The following UTRN variants were observed in gnomAD, a reference collection of about 807,000 sequenced individuals.
UTRN encodes dystrophin-related protein 1.
A neutral mutation model predicts 463.9 loss-of-function variants in UTRN; 283 were observed. The ratio of observed to expected loss-of-function variants is 0.61; its 90% CI spans 0.55 to 0.67. The LOEUF (loss-of-function observed/expected upper bound fraction) is 0.67, where lower values mean the gene tolerates loss of function less well. UTRN is among the 30% of genes least tolerant of loss of function. The pLI is 0.00. For missense variants in UTRN, 3,922 were observed against 4,084.3 expected (o/e 0.96, Z 1.08); for synonymous variants, 1,442 against 1,431.5 (o/e 1.01, Z -0.17).
rs982069127 is a variant in UTRN at position 144,542,804 on chromosome 6, G to C, written c.6529G>C (p.Glu2177Gln). ...VNMTWNKICR[E>Q]VPTTLKECIQ... ...TGTCCTGATGCGGTAGATTTGCAGA[G>C]AGGTGCCTACCACCCTGAAGGAATG... The change falls in exon 46 of 75, where the codon GAG becomes CAG. Residue 2177 changes from glutamate (E) to glutamine (Q), a missense_variant. By Grantham distance (29) the Glu-to-Gln change is conservative. Coordinates refer to ENST00000367545, the MANE Select transcript of UTRN (RefSeq NM_007124.3). 5 of 1,613,496 alleles carry C rather than the reference G, an allele frequency of 3.1e-6. No individual in the cohort carries two copies. In the African/African-American group the frequency reaches 5.3e-5, roughly 17 times the overall value.
intron 54 of UTRN, among the ~76,000 whole-genome samples, chr6:144,732,192 T>G (rs1788607082): frequency 6.8e-6 from 1 of 146,140 alleles, no homozygotes; most frequent in African/African-American, 2.5e-5. Context: ...TTTGAAGAAT[T>G]ATTCCTTTTG....
intron 21 of UTRN, among the ~76,000 whole-genome samples, chr6:144,459,988 A>T (rs1019757417): frequency 6.6e-6 from 1 of 150,586 alleles, no homozygotes; most frequent in Admixed American, 6.6e-5. Flanking sequence ...CCTGGATATA[A>T]TGATTTTTAA....
intron 55 of UTRN, among the ~76,000 whole-genome samples, chr6:144,751,296 G>A (rs4295503): frequency 0.45 from 69,189 of 152,076 alleles, 19,878 homozygotes; most frequent in East Asian, 0.87. Flanking sequence ...GCATATAATA[G>A]AAAGCATGAA....
chr6:144,747,680 C>G (rs979895293), intron 54 of UTRN, among the ~76,000 whole-genome samples: 7 of 152,182 alleles, frequency 4.6e-5, no homozygotes, highest in Non-Finnish European at 1.0e-4. Context: ...GCTAAAATGT[C>G]TGTGGGCTGC....
intron 2 of UTRN, among the ~76,000 whole-genome samples, chr6:144,393,573 G>C (rs74857078): frequency 6.6e-6 from 1 of 152,200 alleles, no homozygotes; most frequent in Non-Finnish European, 1.5e-5. Context: ...GCCCAGACTG[G>C]TACAGCAGGA....
intron 18 of UTRN, among the ~76,000 whole-genome samples, chr6:144,452,964 A>T (rs1788480033): frequency 6.6e-6 from 1 of 151,190 alleles, no homozygotes; most frequent in Non-Finnish European, 1.5e-5. Flanking sequence ...AAAAAAAAGG[A>T]ACAAAATGCT....
chr6:144,828,059 G>A (rs1442533243), intron 68 of UTRN, among the ~76,000 whole-genome samples: 1 of 152,068 alleles, frequency 6.6e-6, no homozygotes, highest in Non-Finnish European at 1.5e-5. Context: ...TTAGGATAGG[G>A]GTTTATTTTA....
rs6917327 is a variant in UTRN, at chr6:144,315,842, G to T, written c.79+23935G>T. 4.6e-3 allele frequency among the ~76,000 whole-genome samples: 699 copies of T among 152,296 alleles called. 4 individuals are homozygous for T. Among genetic ancestry groups the T allele is most frequent in the African/African-American group, 0.016 (661 of 41,562 alleles). ...GTGTTTGAATCCTTGGCATGATCTG[G>T]TGATGATCTGGCAGAATAGGTATTA... On this transcript the variant is annotated intron_variant, in intron 2 of 74. Transcript: ENST00000367545.
intron 69 of UTRN, among the ~76,000 whole-genome samples, chr6:144,832,603 C>T (rs1478167934): frequency 1.3e-5 from 2 of 152,134 alleles, no homozygotes; most frequent in Admixed American, 1.3e-4. Context: ...ATAATGGTGG[C>T]TTGTGATCTT....
chr6:144,474,828 A>T, intron 25 of UTRN, 69 bp downstream of exon 25: 6 of 1,538,102 alleles, frequency 3.9e-6, no homozygotes, highest in Non-Finnish European at 5.3e-6. Flanking sequence ...CAGCTGACTA[A>T]ATGTATTATG....
At position 144,774,490 on chromosome 6, in the gene UTRN, C is replaced by G. The variant is rs1057092078; in HGVS notation, c.8632+126C>G. ...AATCTGGTCTTCAGTGTACCTCACT[C>G]AAGGAGTTGGTTTTGTTTCTATAAA... On this transcript the variant is annotated intron_variant, in intron 60 of 74. Transcript: ENST00000367545. 8.9e-6 allele frequency: 7 copies of G among 790,530 alleles called. No individual in the cohort carries two copies. The African/African-American group carries it at 9.0e-5, about 10-fold the overall frequency. 49.0% of individuals were successfully genotyped at this position (790,530 alleles called of 1,614,324 possible).
chr6:144,638,362 T>C (rs1287120499), intron 51 of UTRN, among the ~76,000 whole-genome samples: 1 of 152,218 alleles, frequency 6.6e-6, no homozygotes, highest in East Asian at 1.9e-4. Context: ...AAATAGTTCA[T>C]GTTTTTTGTC....
chr6:144,548,844 C>G lies in UTRN; in HGVS notation c.6800C>G (p.Ser2267Cys). ...GTAGAAGAGATCAATAAGACCGTTT[C>G]CCGAATGAAAGTAGGTGCATAGTGT... ...GDVEEINKTVSRMKITKADLE... is the reference protein window; with the variant it reads ...GDVEEINKTVCRMKITKADLE... The change falls in exon 47 of 75, where the codon TCC becomes TGC. Residue 2267 changes from serine (S) to cysteine (C), a missense_variant. This residue lies in a region of UTRN where 1,309 missense variants were observed against 1,452.6 expected (regional missense o/e 0.90). Transcript: ENST00000367545. 1 of 1,613,780 alleles carries G rather than the reference C, an allele frequency of 6.2e-7. No homozygotes were observed. Among genetic ancestry groups the G allele is most frequent in the Non-Finnish European group, 8.5e-7 (1 of 1,179,852 alleles).
chr6:144,727,467 AC>A (rs1787991508), intron 53 of UTRN, among the ~76,000 whole-genome samples: 1 of 152,200 alleles, frequency 6.6e-6, no homozygotes. Flanking sequence ...AAGAATCTTT[AC>A]CACTCCTGAG....
intron 43 of UTRN, among the ~76,000 whole-genome samples, chr6:144,535,892 A>G (rs1204257408): frequency 6.6e-6 from 1 of 151,936 alleles, no homozygotes; most frequent in Non-Finnish European, 1.5e-5. Context: ...CAATCCTCTC[A>G]CCCTAGTCTT....
chr6:144,349,410 C>G (rs1312691646), intron 2 of UTRN, among the ~76,000 whole-genome samples: 1 of 152,162 alleles, frequency 6.6e-6, no homozygotes, highest in African/African-American at 2.4e-5. Context: ...AAGGGGACTC[C>G]CAACCAGGAG....
At chr6:144,728,613 A>C (rs907416255) in intron 53 of UTRN, among the ~76,000 whole-genome samples, 7 of 145,724 alleles carry the variant, frequency 4.8e-5, no homozygotes, top group African/African-American at 1.8e-4. Flanking sequence ...CATCAGTGAT[A>C]ATTGCTGTGT....
intron 51 of UTRN, among the ~76,000 whole-genome samples, chr6:144,600,263 A>C (rs1359079710): frequency 6.6e-6 from 1 of 152,232 alleles, no homozygotes; most frequent in Admixed American, 6.5e-5. Flanking sequence ...ACTTTAAATA[A>C]AAAGCTAGAA....
At position 144,429,562 on chromosome 6, in the gene UTRN, T is replaced by C; in HGVS notation, c.695-19T>C. ...TGGACACCTAATTTAAGCTGGTTCT[T>C]ATATTCTTCCACTTTTAGATGTTGC... On this transcript the variant is annotated intron_variant, in intron 8 of 74. Coordinates refer to ENST00000367545, the MANE Select transcript of UTRN (RefSeq NM_007124.3). The C allele has an allele frequency of 6.3e-7, 1 of 1,587,512 alleles. No homozygotes were observed. Among genetic ancestry groups the C allele is most frequent in the Non-Finnish European group, 8.6e-7 (1 of 1,167,936 alleles).
Sources: allele counts gnomAD v4.1 joint callset (sites outside exome capture counted in the v4.1 genomes callset), GRCh38; gene constraint gnomAD v4.1.1; regional missense constraint gnomAD v4.1.1; transcripts MANE v1.5; gene names NCBI Gene and HGNC (gene_info 2026-07-23, HGNC 2026-07-21).